Variants in DLGAP2 observed in about 807,000 individuals in gnomAD.
The protein encoded by DLGAP2 is DLG associated protein 2, also known as disks large-associated protein 2.
DLGAP2 carries 26 observed loss-of-function variants against 100.3 expected under a neutral mutation model. The observed-to-expected ratio is 0.26, with a 90% CI of 0.19 to 0.36. DLGAP2 has a LOEUF of 0.36. DLGAP2 is among the 10% of genes least tolerant of loss of function. The probability of loss-of-function intolerance (pLI) is 1.00; values close to 1 mark genes in which losing one functional copy is unlikely to be tolerated. For synonymous variants in DLGAP2, 886 were observed against 630.1 expected (o/e 1.41, Z -6.08); for missense variants, 1,858 against 1,453.2 (o/e 1.28, Z -4.53).
intron 2 of DLGAP2, among the ~76,000 whole-genome samples, chr8:1,225,828 G>A (rs1270045238): frequency 6.6e-6 from 1 of 152,144 alleles, no homozygotes; most frequent in African/African-American, 2.4e-5. Context: ...AATCAAAATT[G>A]CTAAGGAGTA....
chr8:1,608,641 A>T (rs1236177749), intron 6 of DLGAP2, among the ~76,000 whole-genome samples: 1 of 133,560 alleles, frequency 7.5e-6, no homozygotes, highest in African/African-American at 2.8e-5. Flanking sequence ...GAAAACTTTG[A>T]AAAAAATTTA....
intron 2 of DLGAP2, among the ~76,000 whole-genome samples, chr8:1,013,679 C>T (rs1320453369): frequency 2.0e-5 from 2 of 98,436 alleles, no homozygotes; most frequent in African/African-American, 1.2e-4. Flanking sequence ...CTGTGTGAGA[C>T]CAGGACAGAC....
chr8:1,437,589 T>C (rs1227199680), intron 3 of DLGAP2, among the ~76,000 whole-genome samples: 1 of 152,158 alleles, frequency 6.6e-6, no homozygotes, highest in Non-Finnish European at 1.5e-5. Context: ...GGTGAATTAA[T>C]TCCTTTTGTG....
At chr8:974,618 T>C (rs952579919) in intron 2 of DLGAP2, among the ~76,000 whole-genome samples, 3 of 152,192 alleles carry the variant, frequency 2.0e-5, no homozygotes, top group East Asian at 1.9e-4. Context: ...CCAAAATATA[T>C]AGATACTAAA....
rs142093192 is a variant in DLGAP2 at position 930,529 on chromosome 8, A to G, written c.73+22563A>G. 1.4e-4 allele frequency among the ~76,000 whole-genome samples: 21 copies of G among 152,342 alleles called. 1 individual carries two copies. Among genetic ancestry groups the G allele is most frequent in the African/African-American group, 5.1e-4 (21 of 41,576 alleles). ...AGGGGACTTCAATGCTGAGTCTTTT[A>G]CAATAGATTGCCAGGCAGACAGAGA... On this transcript the variant is annotated intron_variant, in intron 2 of 14. Transcript: ENST00000637795.
At chr8:777,055 T>G (rs1309758918) in intron 1 of DLGAP2, among the ~76,000 whole-genome samples, 7 of 152,066 alleles carry the variant, frequency 4.6e-5, no homozygotes, top group African/African-American at 1.7e-4. Context: ...GCATATATAT[T>G]TAGGATAGTT....
intron 1 of DLGAP2, among the ~76,000 whole-genome samples, chr8:850,269 C>T (rs534768880): frequency 6.6e-6 from 1 of 152,190 alleles, no homozygotes; most frequent in Admixed American, 6.5e-5. Flanking sequence ...TCCAGTTTAT[C>T]ACATTTTTAA....
intron 2 of DLGAP2, among the ~76,000 whole-genome samples, chr8:1,215,231 A>G (rs1162691176): frequency 2.0e-5 from 3 of 152,240 alleles, no homozygotes; most frequent in African/African-American, 7.2e-5. Flanking sequence ...GAAGATAAAG[A>G]ATTTGTGAGT....
intron 4 of DLGAP2, among the ~76,000 whole-genome samples, chr8:1,523,387 C>T (rs530743882): frequency 1.8e-4 from 27 of 152,338 alleles, no homozygotes; most frequent in East Asian, 1.2e-3. Flanking sequence ...GGGGATTTGC[C>T]GGCCTCACGC....
intron 3 of DLGAP2, among the ~76,000 whole-genome samples, chr8:1,473,504 G>A (rs1251678782): frequency 1.3e-5 from 2 of 152,204 alleles, no homozygotes; most frequent in African/African-American, 2.4e-5. Flanking sequence ...TCTCAAAAAG[G>A]CAGAACTGAA....
intron 3 of DLGAP2, among the ~76,000 whole-genome samples, chr8:1,322,064 A>G (rs998618147): frequency 2.0e-5 from 3 of 152,232 alleles, no homozygotes; most frequent in African/African-American, 7.2e-5. Context: ...GAGCCAACAG[A>G]TTAGCAGAAA....
At chr8:1,503,901 G>C (rs1255020730) in intron 4 of DLGAP2, among the ~76,000 whole-genome samples, 3 of 152,154 alleles carry the variant, frequency 2.0e-5, no homozygotes, top group African/African-American at 7.2e-5. Context: ...GGACTCTGGA[G>C]GGAGAGGGAG....
chr8:1,219,181 G>A (rs755543877), intron 2 of DLGAP2, among the ~76,000 whole-genome samples: 8 of 152,130 alleles, frequency 5.3e-5, no homozygotes, highest in Non-Finnish European at 1.2e-4. Context: ...GTGTGAGAGG[G>A]CATTCTTGTT....
intron 1 of DLGAP2, among the ~76,000 whole-genome samples, chr8:829,401 A>T (rs1563053262): frequency 6.6e-6 from 1 of 152,330 alleles, no homozygotes; most frequent in South Asian, 2.1e-4. Context: ...GAAAGAGAAC[A>T]CTTGTCTTAT....
chr8:1,320,050 A>G (rs1276731424), intron 3 of DLGAP2, among the ~76,000 whole-genome samples: 1 of 152,124 alleles, frequency 6.6e-6, no homozygotes, highest in Non-Finnish European at 1.5e-5. Context: ...CTCTGGGCCC[A>G]GGGAGTTGAG....
At chr8:837,235 C>T (rs1275486243) in intron 1 of DLGAP2, among the ~76,000 whole-genome samples, 4 of 152,166 alleles carry the variant, frequency 2.6e-5, no homozygotes, top group Non-Finnish European at 5.9e-5. Flanking sequence ...GGCATGAGCT[C>T]GGCCTGGTGT....
Position 1,548,881 on chromosome 8 carries a change from C to G in DLGAP2, c.428C>G (p.Ser143Trp). The G allele has an allele frequency of 6.3e-7, 1 of 1,595,196 alleles. No individual in the cohort carries two copies. The highest frequency in any genetic ancestry group is 8.5e-7 in the Non-Finnish European group (1 of 1,177,208). ...TGCTCGCCGCGCAGCTCGGTGCACT[C>G]GGAGTGCGTGATGATGCCGGTGGTG... ...HRCSPRSSVH[S>W]ECVMMPVVLG... The change falls in exon 5 of 15, where the codon TCG becomes TGG. Residue 143 changes from serine to tryptophan, a missense_variant. Transcript: ENST00000637795.
intron 2 of DLGAP2, among the ~76,000 whole-genome samples, chr8:1,202,709 C>T (rs895783712): frequency 2.0e-5 from 3 of 152,142 alleles, no homozygotes; most frequent in Non-Finnish European, 4.4e-5. Context: ...ATCCCTACTG[C>T]CCAACGCTTC....
At chr8:1,111,979 C>T (rs1804971841) in intron 2 of DLGAP2, among the ~76,000 whole-genome samples, 1 of 152,008 alleles carries the variant, frequency 6.6e-6, no homozygotes, top group South Asian at 2.1e-4. Context: ...GAGGAATCAC[C>T]ACACACTGCT....
Sources: gnomAD v4.1 joint callset for allele counts (sites outside exome capture counted in the v4.1 genomes callset) on GRCh38, gnomAD v4.1.1 for gene constraint, MANE v1.5 for transcripts, NCBI Gene and HGNC (gene_info 2026-07-23, HGNC 2026-07-21) for gene names.